The following WDR47 variants were observed in gnomAD, a reference collection of about 807,000 sequenced individuals.
WDR47 encodes WD repeat-containing protein 47.
A neutral mutation model predicts 97.2 loss-of-function variants in WDR47; 32 were observed. The ratio of observed to expected loss-of-function variants is 0.33; its 90% confidence interval spans 0.25 to 0.44. WDR47 has a LOEUF of 0.44. Ranked by LOEUF, WDR47 falls within the 20% of genes least tolerant of loss-of-function variation. The pLI is 1.00. For synonymous variants in WDR47, 375 were observed against 373.5 expected (o/e 1.00, Z -0.05); for missense variants, 782 against 1,102.3 (o/e 0.71, Z 4.11).
At chr1:109,005,124 A>G (rs1212572106) in intron 5 of WDR47, among the ~76,000 whole-genome samples, 1 of 152,048 alleles carries the variant, frequency 6.6e-6, no homozygotes, top group Non-Finnish European at 1.5e-5. Flanking sequence ...TGAATAGCCC[A>G]GGCACGGTGG....
intron 1 of WDR47, among the ~76,000 whole-genome samples, chr1:109,030,869 G>A (rs1425910930): frequency 7.2e-6 from 1 of 138,650 alleles, no homozygotes; most frequent in African/African-American, 2.6e-5. Context: ...CAGACCTGCA[G>A]GAATATATAT....
chr1:108,983,490 G>T (rs1420500164), intron 10 of WDR47, 39 bp from the exon 11 acceptor site: 10 of 1,496,782 alleles, frequency 6.7e-6, no homozygotes, highest in Non-Finnish European at 4.5e-6. Flanking sequence ...TCAATTTCTT[G>T]CTTGCTACAA....
chr1:109,035,825 T>C (rs1662906437), intron 1 of WDR47, among the ~76,000 whole-genome samples: 1 of 151,842 alleles, frequency 6.6e-6, no homozygotes, highest in Non-Finnish European at 1.5e-5. Context: ...TCTTTTTTTT[T>C]TTTTTAAGAG....
chr1:109,017,566 A>C lies in WDR47; in HGVS notation c.194T>G (p.Leu65Arg). ...LILDGQWDEV[L>R]QFIQPLECME... ...ACATTCTAGAGGCTGAATGAACTGA[A>C]GAACTTCATCCCATTGACCATCAAG... Residue 65 changes from leucine to arginine, a missense_variant, in exon 3 of 15, where the codon CTT becomes CGT. By Grantham distance (102) the Leu-to-Arg change is moderately radical. Transcript: ENST00000369962. 1 of 1,612,722 alleles carries C rather than the reference A, an allele frequency of 6.2e-7. No homozygotes were observed. Among genetic ancestry groups the C allele is most frequent in the South Asian group, 1.1e-5 (1 of 90,736 alleles).
intron 5 of WDR47, among the ~76,000 whole-genome samples, chr1:109,010,068 T>C (rs1660920712): frequency 6.6e-6 from 1 of 152,076 alleles, no homozygotes; most frequent in Non-Finnish European, 1.5e-5. Flanking sequence ...TATGAGATTG[T>C]ATGGGATTTT....
intron 1 of WDR47, among the ~76,000 whole-genome samples, chr1:109,027,791 G>C (rs1388766603): frequency 1.3e-5 from 2 of 152,058 alleles, no homozygotes; most frequent in Non-Finnish European, 2.9e-5. Context: ...CAAAATGCTG[G>C]GATTACAGGC....
At position 108,974,615 on chromosome 1, in the gene WDR47, G is replaced by A. The variant is rs1213141440; in HGVS notation, c.2538C>T (p.Arg846=). ...GAGCTCCAGGGGAGAATCGAACAGA[G>A]CGAACATCACTGGAATGAGGATGAT... The part of the protein sequence containing the change: ...QSYHPHSSDV[R]SVRFSPGAHY... Residue 846 remains arginine (R), a synonymous_variant, in exon 14 of 15, where the codon CGC becomes CGT. Coordinates refer to ENST00000369962, the MANE Select transcript of WDR47 (RefSeq NM_001142551.2). 1 of 1,614,140 alleles carries A rather than the reference G, an allele frequency of 6.2e-7. No homozygotes were observed. The highest frequency in any genetic ancestry group is 1.1e-5 in the South Asian group (1 of 91,070).
chr1:109,004,282 C>T (rs1030994245), intron 6 of WDR47, among the ~76,000 whole-genome samples: 38 of 150,804 alleles, frequency 2.5e-4, no homozygotes, highest in African/African-American at 8.8e-4. Flanking sequence ...AAAAAACAAA[C>T]GTAAACTAGC....
At position 108,991,324 on chromosome 1, in the gene WDR47, G is replaced by A; in HGVS notation, c.1697C>T (p.Ser566Leu). Reference sequence around the variant, plus strand: ...AGGTGGCTTAATGACCGAATGTTCTGAAGAGCTGTGGGAGTAGAAATTCAA... The same window carrying A: ...AGGTGGCTTAATGACCGAATGTTCTAAAGAGCTGTGGGAGTAGAAATTCAA... The part of the protein sequence containing the change: ...EESPCGSQIS[S>L]EHSVIKPPLG... The change falls in exon 9 of 15, where the codon TCA (serine) becomes TTA (leucine). Residue 566 changes from serine to leucine, a missense_variant. Physicochemically the swap from Ser to Leu is moderately radical, Grantham distance 145. Around this residue, in one of 3 missense-constraint regions of WDR47, gnomAD observed 126 missense variants for 121.3 expected, o/e 1.04. Transcript: ENST00000369962. 6.2e-7 allele frequency: 1 copy of A among 1,611,196 alleles called. No individual in the cohort carries two copies. Among genetic ancestry groups the A allele is most frequent in the Non-Finnish European group, 8.5e-7 (1 of 1,177,896 alleles).
intron 1 of WDR47, among the ~76,000 whole-genome samples, chr1:109,037,195 G>T (rs1264259425): frequency 6.6e-6 from 1 of 152,030 alleles, no homozygotes. Flanking sequence ...CAGGCGTGGT[G>T]GCACATGCCG....
At chr1:108,989,283 C>T (rs1659125192) in intron 9 of WDR47, among the ~76,000 whole-genome samples, 1 of 152,202 alleles carries the variant, frequency 6.6e-6, no homozygotes, top group Non-Finnish European at 1.5e-5. Context: ...CAAGTACACA[C>T]ACAAAGGAAA....
At chr1:109,035,280 A>C (rs1387501390) in intron 1 of WDR47, among the ~76,000 whole-genome samples, 2 of 151,228 alleles carry the variant, frequency 1.3e-5, no homozygotes, top group African/African-American at 4.9e-5. Context: ...CACACACACA[A>C]GGTCTGGAAT....
rs191877097 is a variant in WDR47, at chr1:109,038,166, T to C, written c.-10+3696A>G. Among the ~76,000 whole-genome samples, 24 of 152,224 alleles carry C rather than the reference T, an allele frequency of 1.6e-4. No individual in the cohort carries two copies. In the East Asian group the frequency reaches 3.5e-3, roughly 22 times the overall value. On this transcript the variant is annotated intron_variant, in intron 1 of 14. Transcript: ENST00000369962. ...GTACTATTTCTCAGTTAAAACAGGA[T>C]GTTGACTTGTAAAATGAGAACAAGC...
intron 1 of WDR47, among the ~76,000 whole-genome samples, chr1:109,036,534 CAA>C (rs34246298): frequency 1.3e-4 from 16 of 120,918 alleles, no homozygotes; most frequent in Non-Finnish European, 2.5e-4. Context: ...GACTCCGTCT[CAA>C]AAAAAAAAAA....
intron 7 of WDR47, among the ~76,000 whole-genome samples, chr1:108,998,871 A>T (rs571781314): frequency 1.3e-5 from 2 of 152,300 alleles, no homozygotes; most frequent in South Asian, 4.1e-4. Flanking sequence ...TTTGTCCTTG[A>T]TTTTACATAT....
At chr1:108,982,323 A>T (rs939785309) in intron 12 of WDR47, among the ~76,000 whole-genome samples, 1 of 152,190 alleles carries the variant, frequency 6.6e-6, no homozygotes, top group African/African-American at 2.4e-5. Context: ...GCTTGAGCCC[A>T]GGAGTTCAAG....
At chr1:109,016,724 A>G (rs1260900823) in intron 3 of WDR47, among the ~76,000 whole-genome samples, 1 of 152,138 alleles carries the variant, frequency 6.6e-6, no homozygotes, top group African/African-American at 2.4e-5. Context: ...AAGAGAACAG[A>G]ATTCAGAGCC....
chr1:109,038,836 G>C (rs557529701), intron 1 of WDR47, among the ~76,000 whole-genome samples: 2 of 152,128 alleles, frequency 1.3e-5, no homozygotes, highest in African/African-American at 4.8e-5. Flanking sequence ...AATTAGTCAA[G>C]TGTGGGGGTA....
rs1436782362 is a variant in WDR47, at chr1:108,970,532, A to G, written c.*898T>C. On this transcript the variant is annotated 3_prime_UTR_variant, in exon 15 of 15. Coordinates refer to ENST00000369962, the MANE Select transcript of WDR47 (RefSeq NM_001142551.2). ...TAAGCTTTTGGAGTGCAAAGTTTAAATCTTCCATTTTAAATTATCATGCAG... is the reference window on the plus strand; with the variant it reads ...TAAGCTTTTGGAGTGCAAAGTTTAAGTCTTCCATTTTAAATTATCATGCAG... 1.3e-5 allele frequency: 2 copies of G among 152,652 alleles called. No individual in the cohort carries two copies. Among genetic ancestry groups the G allele is most frequent in the East Asian group, 3.8e-4 (2 of 5,196 alleles). The allele number at this position is 152,652 out of a possible 1,614,324, so 9.5% of individuals were successfully genotyped here. A position where few individuals can be genotyped will look rare whatever the true frequency, so the allele number is the denominator to read the frequency against.
Sources: gnomAD v4.1 joint callset for allele counts (sites outside exome capture counted in the v4.1 genomes callset) on GRCh38, gnomAD v4.1.1 for gene constraint, gnomAD v4.1.1 regional missense constraint, MANE v1.5 for transcripts, NCBI Gene and HGNC (gene_info 2026-07-23, HGNC 2026-07-21) for gene names.